Variants in PHAF1 observed in about 807,000 individuals in gnomAD.
The protein encoded by PHAF1 is phagophore assembly factor 1.
Under a neutral mutation model 63.1 loss-of-function variants are expected in PHAF1, and 23 were observed. That is an observed-to-expected ratio of 0.36 (90% CI 0.26 to 0.52). The LOEUF is 0.52. PHAF1 is among the 20% of genes least tolerant of loss of function. The pLI, the probability that PHAF1 is intolerant of heterozygous loss-of-function variation, is 0.93. For synonymous variants in PHAF1, 167 were observed against 185.0 expected (o/e 0.90, Z 0.79); for missense variants, 427 against 517.2 (o/e 0.83, Z 1.69).
At chr16:67,121,674 G>A (rs1962983824) in intron 2 of PHAF1, among the ~76,000 whole-genome samples, 2 of 149,736 alleles carry the variant, frequency 1.3e-5, no homozygotes, top group African/African-American at 2.5e-5. Flanking sequence ...TGCGCCTCCC[G>A]AGTTCAAGCG....
intron 1 of PHAF1, among the ~76,000 whole-genome samples, chr16:67,118,872 C>T (rs975252060): frequency 2.7e-5 from 4 of 149,824 alleles, no homozygotes; most frequent in African/African-American, 7.4e-5. Context: ...CCTCCTGGGC[C>T]GAAGCAATCC....
chr16:67,133,392 T>C (rs1346510632), intron 6 of PHAF1, among the ~76,000 whole-genome samples: 2 of 151,568 alleles, frequency 1.3e-5, no homozygotes, highest in Non-Finnish European at 2.9e-5. Context: ...TGGTGGCTCA[T>C]GCTTCTAATC....
intron 1 of PHAF1, among the ~76,000 whole-genome samples, chr16:67,113,044 A>G (rs1043794183): frequency 2.6e-5 from 4 of 152,186 alleles, no homozygotes; most frequent in Admixed American, 6.5e-5. Context: ...ACCTCTTGCC[A>G]CCACAGGCTT....
In PHAF1 at chr16:67,144,858, C is replaced by T. The variant is rs201981734; in HGVS notation, c.987C>T (p.Ile329=). The change falls in exon 12 of 16, where the codon ATC becomes ATT. Residue 329 remains isoleucine, a synonymous_variant. Transcript: ENST00000219139. ...FNIYHRCEFK[I]PLAIKKENAD... ...GTTATCATCGCTGTGAGTTCAAGAT[C>T]CCACTAGCCATAAAGAAAGGTGAGT... The T allele has an allele frequency of 4.6e-5, 75 of 1,614,082 alleles. No individual in the cohort carries two copies. The highest frequency in any genetic ancestry group is 6.1e-5 in the Non-Finnish European group (72 of 1,179,982).
At chr16:67,140,408 C>A in intron 9 of PHAF1, 103 bp from the exon 10 acceptor site, 1 of 1,075,334 alleles carries the variant, frequency 9.3e-7, no homozygotes, top group Non-Finnish European at 1.4e-6. Flanking sequence ...TTGCTTGTTC[C>A]GCAGCTTAAT....
rs1403114183 is a variant in PHAF1 at position 67,146,298 on chromosome 16, C to A, written c.1130C>A (p.Thr377Asn). 3.7e-6 allele frequency: 6 copies of A among 1,614,034 alleles called. No homozygotes were observed. Among genetic ancestry groups the A allele is most frequent in the Admixed American group, 1.7e-5 (1 of 60,010 alleles). Residue 377 changes from threonine (T) to asparagine (N), a missense_variant, in exon 15 of 16, where the codon ACC (threonine) becomes AAC (asparagine). Physicochemically the swap from Thr to Asn is moderately conservative, Grantham distance 65. Transcript: ENST00000219139. ...VLHRSSSPNNTNPFGSTFCFG... is the reference protein window; with the variant it reads ...VLHRSSSPNNNNPFGSTFCFG... ...CTCAGGTCTTCCTCCCCAAACAACA[C>A]CAACCCATTTGGTTCCACATTCTGC...
At chr16:67,123,875 C>T (rs139941059) in intron 2 of PHAF1, among the ~76,000 whole-genome samples, 40 of 152,254 alleles carry the variant, frequency 2.6e-4, no homozygotes, top group African/African-American at 8.2e-4. Flanking sequence ...ATGTCAAGTA[C>T]GTCCCATCTT....
chr16:67,117,021 A>G (rs1962762025), intron 1 of PHAF1, among the ~76,000 whole-genome samples: 1 of 151,816 alleles, frequency 6.6e-6, no homozygotes, highest in African/African-American at 2.4e-5. Flanking sequence ...TTTAAATTAT[A>G]ATGGACTCTG....
At chr16:67,144,735 G>T (rs1963929792) in intron 11 of PHAF1, 99 bp from the exon 12 acceptor site, 6 of 1,349,058 alleles carry the variant, frequency 4.4e-6, no homozygotes, top group Non-Finnish European at 6.3e-6. Context: ...CTTTGGGCAG[G>T]TGTGTTTGGT....
intron 1 of PHAF1, among the ~76,000 whole-genome samples, chr16:67,113,598 C>T (rs1449407122): frequency 6.6e-6 from 1 of 150,918 alleles, no homozygotes; most frequent in Non-Finnish European, 1.5e-5. Flanking sequence ...TACAGGCGCC[C>T]GCCACCACGC....
At chr16:67,135,002 G>A (rs1963558077) in intron 8 of PHAF1, 1 of 282,572 alleles carries the variant, frequency 3.5e-6, no homozygotes. Flanking sequence ...CTTATAATTA[G>A]CAAATCTTAA....
At chr16:67,131,203 T>TTAAA in intron 3 of PHAF1, 83 bp from the exon 4 acceptor site, 6 of 471,278 alleles carry the variant, frequency 1.3e-5, no homozygotes, top group Non-Finnish European at 1.8e-5. Flanking sequence ...TTTTTTTTAC[T>TTAAA]ATTTATTCTA....
intron 4 of PHAF1, chr16:67,131,991 T>C (rs897338385): frequency 1.3e-5 from 2 of 154,180 alleles, no homozygotes; most frequent in Non-Finnish European, 2.9e-5. Context: ...AGAATACTCC[T>C]TTCAGTAAGT....
rs192087625 is a variant in PHAF1 at position 67,139,674 on chromosome 16, T to G, written c.662-310T>G. ...AGAAACTGCACTGTTTTTGTTCACT[T>G]TTGTTTCTTCAACATCTAGCACAAT... On this transcript the variant is annotated intron_variant, in intron 8 of 15. Transcript: ENST00000219139. The G allele has an allele frequency of 8.2e-4, 228 of 279,002 alleles. 2 individuals carry two copies. In the Middle Eastern group the frequency reaches 0.011, roughly 13 times the overall value. The allele number at this position is 279,002 out of a possible 1,614,324, so 17.3% of individuals were successfully genotyped here.
rs764265370 is a variant in PHAF1 at position 67,147,345 on chromosome 16, G to C, written c.*214G>C. The C allele has an allele frequency of 1.8e-6, 1 of 547,990 alleles. No homozygotes were observed. Among genetic ancestry groups the C allele is most frequent in the African/African-American group, 1.9e-5 (1 of 52,592 alleles). 33.9% of individuals were successfully genotyped at this position (547,990 alleles called of 1,614,324 possible). On this transcript the variant is annotated 3_prime_UTR_variant, in exon 16 of 16. Transcript: ENST00000219139. ...ATCTTTGGCCTGCTGGTGCCAGCAG[G>C]GGACACAGACTGCAAAGAGAAGCAC...
chr16:67,115,032 CAT>C (rs1962682306), intron 1 of PHAF1, among the ~76,000 whole-genome samples: 6 of 152,174 alleles, frequency 3.9e-5, no homozygotes, highest in Admixed American at 3.9e-4. Flanking sequence ...GCAGAAGAAA[CAT>C]AGCCTATTGG....
At chr16:67,138,437 G>C (rs1963686221) in intron 8 of PHAF1, among the ~76,000 whole-genome samples, 1 of 152,066 alleles carries the variant, frequency 6.6e-6, no homozygotes, top group African/African-American at 2.4e-5. Flanking sequence ...CAACTGTAAA[G>C]CCTTGTGCTG....
At chr16:67,119,275 A>G (rs1962878313) in intron 1 of PHAF1, among the ~76,000 whole-genome samples, 1 of 152,096 alleles carries the variant, frequency 6.6e-6, no homozygotes, top group Admixed American at 6.5e-5. Flanking sequence ...TCTTTGATTC[A>G]TACTTACTTT....
chr16:67,132,808 C>T lies in PHAF1; in HGVS notation c.356-9C>T, dbSNP rs748903129. ...ACCATGTTATTTTCTTCTCCCCCAC[C>T]CCCAACAGTGTACAACTCCGCTGAG... is the stretch of plus-strand genomic sequence containing the variant. On this transcript the variant is annotated splice_polypyrimidine_tract_variant and intron_variant, in intron 5 of 15. Transcript: ENST00000219139. 1 of 1,602,654 alleles carries T rather than the reference C, an allele frequency of 6.2e-7. No individual in the cohort carries two copies. The highest frequency in any genetic ancestry group is 2.2e-5 in the East Asian group (1 of 44,826).
Sources: allele counts gnomAD v4.1 joint callset (sites outside exome capture counted in the v4.1 genomes callset), GRCh38; gene constraint gnomAD v4.1.1; transcripts MANE v1.5; gene names NCBI Gene and HGNC (gene_info 2026-07-23, HGNC 2026-07-21).